The following ETV3 variants were observed in gnomAD, a reference collection of about 807,000 sequenced individuals.
ETV3 encodes the protein ETS translocation variant 3.
ETV3 carries 8 observed loss-of-function variants against 33.0 expected under a neutral mutation model. That is an observed-to-expected ratio of 0.24 (90% CI 0.14 to 0.44). ETV3 has a LOEUF of 0.44. ETV3 is among the 20% of genes least tolerant of loss of function. The probability of loss-of-function intolerance (pLI) is 1.00; values close to 1 mark genes in which losing one functional copy is unlikely to be tolerated. For synonymous variants in ETV3, 222 were observed against 238.9 expected (o/e 0.93, Z 0.65); for missense variants, 473 against 652.3 (o/e 0.73, Z 2.99).
intron 4 of ETV3, among the ~76,000 whole-genome samples, chr1:157,126,856 G>A (rs1558029779): frequency 1.3e-5 from 2 of 148,466 alleles, no homozygotes; most frequent in East Asian, 2.0e-4. Context: ...GAGGGGAAGA[G>A]CTGCCCTGGC....
intron 4 of ETV3, among the ~76,000 whole-genome samples, chr1:157,131,724 G>A (rs530337967): frequency 1.3e-5 from 2 of 152,158 alleles, no homozygotes; most frequent in South Asian, 4.2e-4. Flanking sequence ...CACTTCACTG[G>A]GCTGAAAAGT....
chr1:157,126,033 C>A, intron 4 of ETV3, 54 bp from the exon 5 acceptor site: 1 of 1,436,356 alleles, frequency 7.0e-7, no homozygotes, highest in Admixed American at 2.6e-5. Flanking sequence ...CATTCATTAT[C>A]ATCACTTATG....
chr1:157,124,760 C>A lies in ETV3; in HGVS notation c.*81G>T. The A allele has an allele frequency of 3.9e-6, 1 of 259,694 alleles. No homozygotes were observed. Among genetic ancestry groups the A allele is most frequent in the South Asian group, 6.2e-5 (1 of 16,054 alleles). 16.1% of individuals were successfully genotyped at this position (259,694 alleles called of 1,614,324 possible). A position where few individuals can be genotyped will look rare whatever the true frequency, so the allele number is the denominator to read the frequency against. On this transcript the variant is annotated 3_prime_UTR_variant, in exon 5 of 5. Coordinates refer to ENST00000368192, the MANE Select transcript of ETV3 (RefSeq NM_001145312.3). ...ATGATCAAACCAGTTTAACTCCCTC[C>A]CCCCCACCCTGAAATCTTGCTACAT...
At chr1:157,133,553 A>G (rs899594319) in intron 4 of ETV3, 21 of 986,342 alleles carry the variant, frequency 2.1e-5, no homozygotes, top group Non-Finnish European at 2.0e-5. Context: ...ACTGCACTTA[A>G]CAGGAGAGAA....
intron 4 of ETV3, 69 bp from the exon 5 acceptor site, chr1:157,126,048 C>T (rs1674828917): frequency 7.5e-7 from 1 of 1,336,854 alleles, no homozygotes; most frequent in Non-Finnish European, 1.0e-6. Flanking sequence ...CTTATGCTAA[C>T]TAAGTGCAAA....
chr1:157,127,409 T>G (rs1421319201), intron 4 of ETV3, among the ~76,000 whole-genome samples: 4 of 152,226 alleles, frequency 2.6e-5, no homozygotes, highest in African/African-American at 4.8e-5. Flanking sequence ...TACTGAATGA[T>G]CTCCATCTCC....
chr1:157,134,978 G>C lies in ETV3; in HGVS notation c.284+493C>G, dbSNP rs1385575527. 2.9e-5 allele frequency: 5 copies of C among 171,828 alleles called. No individual in the cohort carries two copies. In the South Asian group the frequency reaches 4.0e-4, roughly 14 times the overall value. The allele number at this position is 171,828 out of a possible 1,614,324, so 10.6% of individuals were successfully genotyped here. Reference sequence around the variant, plus strand: ...GAAAACTTATAGTGATCAATCTTTAGACATATTGCAGCAGGCTATGGACAA... The same window carrying C: ...GAAAACTTATAGTGATCAATCTTTACACATATTGCAGCAGGCTATGGACAA... On this transcript the variant is annotated intron_variant, in intron 3 of 4. Coordinates refer to ENST00000368192, the MANE Select transcript of ETV3 (RefSeq NM_001145312.3).
Position 157,121,917 on chromosome 1 carries a change from C to T in ETV3, c.*2924G>A, listed in dbSNP as rs1333709959. ...GTTTACATTAAATATTTCACTCCTA[C>T]CCATTCTTCAGGAAAAAAGGTGAGC... On this transcript the variant is annotated 3_prime_UTR_variant, in exon 5 of 5. Transcript: ENST00000368192. The T allele has an allele frequency of 6.6e-6, 1 of 152,128 alleles. No individual in the cohort carries two copies. Among genetic ancestry groups the T allele is most frequent in the Non-Finnish European group, 1.5e-5 (1 of 68,032 alleles). 9.4% of individuals were successfully genotyped at this position (152,128 alleles called of 1,614,324 possible). A position where few individuals can be genotyped will look rare whatever the true frequency, so the allele number is the denominator to read the frequency against.
chr1:157,129,959 T>C (rs1352166725), intron 4 of ETV3, among the ~76,000 whole-genome samples: 1 of 152,060 alleles, frequency 6.6e-6, no homozygotes, highest in Non-Finnish European at 1.5e-5. Context: ...TTCTTCTGCC[T>C]CAGCCTCTCA....
At position 157,125,300 on chromosome 1, in the gene ETV3, C is replaced by G. The variant is rs766182214; in HGVS notation, c.1080G>C (p.Glu360Asp). The G allele has an allele frequency of 1.8e-5, 28 of 1,551,978 alleles. No individual in the cohort carries two copies. The South Asian group carries it at 3.3e-4, about 18-fold the overall frequency. Residue 360 changes from glutamate (E) to aspartate (D), a missense_variant, in exon 5 of 5, where the codon GAG becomes GAC. Physicochemically the swap from Glu to Asp is conservative, Grantham distance 45. Coordinates refer to ENST00000368192, the MANE Select transcript of ETV3 (RefSeq NM_001145312.3). The surrounding 1 kb of genome is among the most constrained non-coding windows in gnomAD (Gnocchi z 4.0). ...TGACTGGTGCTGACTCCTCGCTGCT[C>G]TCAACCCTCTCCCGGTTCTTCCGCC... ...PVGRKNRERV[E>D]SSEESAPVTT... is the part of the protein sequence containing the mutation.
rs145466758 is a variant in ETV3, at chr1:157,130,850, G to T, written c.400+3262C>A. ...AAAAGACAACTGTCATTCGAATACG[G>T]ACTATGTATTAGATAACAGAATTAT... On this transcript the variant is annotated intron_variant, in intron 4 of 4. Coordinates refer to ENST00000368192, the MANE Select transcript of ETV3 (RefSeq NM_001145312.3). Among the ~76,000 whole-genome samples, 322 of 152,236 alleles carry T rather than the reference G, an allele frequency of 2.1e-3. 3 individuals carry two copies. Among genetic ancestry groups the T allele is most frequent in the African/African-American group, 7.4e-3 (308 of 41,514 alleles).
chr1:157,134,121 G>C lies in ETV3; in HGVS notation c.391C>G (p.Arg131Gly). ...AGAGTTTGTATCTTACCACTTGACC[G>C]AATGTTGATGAATGGGTAGTTGGGC... ...VMPNYPFINIRSSGVVPQSAP... is the reference protein window; with the variant it reads ...VMPNYPFINIGSSGVVPQSAP... Residue 131 changes from arginine to glycine, a missense_variant, in exon 4 of 5, where the codon CGG (arginine) becomes GGG (glycine). Around this residue, in one of 3 missense-constraint regions of ETV3, gnomAD observed 410 missense variants for 520.2 expected, o/e 0.79. Transcript: ENST00000368192. The C allele has an allele frequency of 6.2e-7, 1 of 1,613,452 alleles. No homozygotes were observed. The highest frequency in any genetic ancestry group is 8.5e-7 in the Non-Finnish European group (1 of 1,179,766).
chr1:157,135,021 A>C (rs1675064328), intron 3 of ETV3: 1 of 183,688 alleles, frequency 5.4e-6, no homozygotes, highest in Non-Finnish European at 1.2e-5. Context: ...TCACAGACAC[A>C]GTTCCGGAAT....
At chr1:157,128,449 G>T in intron 4 of ETV3, 1 of 328,622 alleles carries the variant, frequency 3.0e-6, no homozygotes. Context: ...GCACGAGACT[G>T]GGCCTAATCT....
At chr1:157,128,087 C>T (rs1336240662) in intron 4 of ETV3, among the ~76,000 whole-genome samples, 1 of 152,092 alleles carries the variant, frequency 6.6e-6, no homozygotes, top group Non-Finnish European at 1.5e-5. Flanking sequence ...AAAAGGTACA[C>T]AGATATGGGA....
chr1:157,121,920 A>G lies in ETV3; in HGVS notation c.*2921T>C, dbSNP rs1378047634. On this transcript the variant is annotated 3_prime_UTR_variant, in exon 5 of 5. Coordinates refer to ENST00000368192, the MANE Select transcript of ETV3 (RefSeq NM_001145312.3). ...TACATTAAATATTTCACTCCTACCC[A>G]TTCTTCAGGAAAAAAGGTGAGCTCA... The G allele has an allele frequency of 1.3e-5, 2 of 152,212 alleles. No homozygotes were observed. Among genetic ancestry groups the G allele is most frequent in the African/African-American group, 4.8e-5 (2 of 41,454 alleles). The allele number at this position is 152,212 out of a possible 1,614,324, so 9.4% of individuals were successfully genotyped here.
At position 157,122,590 on chromosome 1, in the gene ETV3, T is replaced by G. The variant is rs1481088201; in HGVS notation, c.*2251A>C. 3 of 152,154 alleles carry G rather than the reference T, an allele frequency of 2.0e-5. No individual in the cohort carries two copies. The highest frequency in any genetic ancestry group is 4.4e-5 in the Non-Finnish European group (3 of 68,046). The allele number at this position is 152,154 out of a possible 1,614,324, so 9.4% of individuals were successfully genotyped here. A position where few individuals can be genotyped will look rare whatever the true frequency, so the allele number is the denominator to read the frequency against. On this transcript the variant is annotated 3_prime_UTR_variant, in exon 5 of 5. Transcript: ENST00000368192. The stretch of plus-strand genomic sequence containing the variant: ...GGTTACAGGTATGCATCATGGATTC[T>G]TCTCCCTCGTATTTAAAAAGGCCTC...
intron 3 of ETV3, among the ~76,000 whole-genome samples, chr1:157,134,631 G>A (rs1465402638): frequency 6.6e-6 from 1 of 152,226 alleles, no homozygotes; most frequent in Non-Finnish European, 1.5e-5. Context: ...GAGACCTGAT[G>A]TGGTTAGTCT....
intron 4 of ETV3, chr1:157,128,614 A>G: frequency 4.3e-6 from 1 of 231,460 alleles, no homozygotes; most frequent in South Asian, 6.7e-5. Flanking sequence ...CTTTGCCGAC[A>G]TTAAGGCAGA....
Sources: allele counts gnomAD v4.1 joint callset (sites outside exome capture counted in the v4.1 genomes callset), GRCh38; gene constraint gnomAD v4.1.1; regional missense constraint gnomAD v4.1.1; non-coding constraint Gnocchi (gnomAD v3.1); transcripts MANE v1.5; gene names NCBI Gene and HGNC (gene_info 2026-07-23, HGNC 2026-07-21).